The following PDCD11 variants were observed in gnomAD, a reference collection of about 807,000 sequenced individuals.
PDCD11 encodes protein RRP5 homolog.
In PDCD11, 97 loss-of-function variants were observed where a neutral mutation model predicts 198.9. The ratio of observed to expected loss-of-function variants is 0.49; its 90% CI spans 0.41 to 0.58. PDCD11 has a LOEUF of 0.58. PDCD11 is among the 20% of genes least tolerant of loss of function. PDCD11 has a pLI of 0.00. For synonymous variants in PDCD11, 893 were observed against 918.0 expected, an observed-to-expected ratio of 0.97 and a Z score of 0.49; for missense variants, 2,102 against 2,312.7, an observed-to-expected ratio of 0.91 and a Z score of 1.87.
intron 21 of PDCD11, 98 bp from the exon 22 acceptor site, chr10:103,432,031 C>T (rs2031956228): frequency 1.2e-6 from 1 of 854,408 alleles, no homozygotes; most frequent in Non-Finnish European, 2.0e-6. Flanking sequence ...TAGGGGAGTC[C>T]CGTACAGTCA....
intron 17 of PDCD11, among the ~76,000 whole-genome samples, chr10:103,422,714 A>C (rs1221518739): frequency 1.3e-5 from 2 of 152,130 alleles, no homozygotes; most frequent in African/African-American, 2.4e-5. Context: ...GGGGACAGTG[A>C]AAATTCAGAA....
In PDCD11 at chr10:103,442,426, G is replaced by A. The variant is rs140495953; in HGVS notation, c.4921G>A (p.Val1641Met). The A allele has an allele frequency of 1.1e-5, 18 of 1,613,972 alleles. No individual in the cohort carries two copies. Among genetic ancestry groups the A allele is most frequent in the East Asian group, 6.7e-5 (3 of 44,896 alleles). The change falls in exon 32 of 36, where the codon GTG becomes ATG. Residue 1641 changes from valine (V) to methionine (M), a missense_variant. Val to Met is a conservative substitution (Grantham distance 21). Transcript: ENST00000369797. ...CACGGAGATCGAGAAGGCCCGTGCC[G>A]TGGCTGAGAGGGCCCTTAAGACCAT... is the stretch of plus-strand genomic sequence containing the variant. ...QATEIEKARA[V>M]AERALKTISF...
At chr10:103,435,273 A>G (rs2032104424) in intron 25 of PDCD11, among the ~76,000 whole-genome samples, 1 of 152,034 alleles carries the variant, frequency 6.6e-6, no homozygotes, top group African/African-American at 2.4e-5. Context: ...CTATGCTAAT[A>G]TATCAAAATC....
chr10:103,410,633 G>A (rs1371528832), intron 8 of PDCD11, among the ~76,000 whole-genome samples: 1 of 139,728 alleles, frequency 7.2e-6, no homozygotes, highest in African/African-American at 2.7e-5. Context: ...TTTTAAGACA[G>A]TGTCTTACTC....
intron 12 of PDCD11, among the ~76,000 whole-genome samples, chr10:103,415,407 G>C (rs987426523): frequency 6.6e-6 from 1 of 152,310 alleles, no homozygotes; most frequent in Non-Finnish European, 1.5e-5. Context: ...TGTGTGCTGT[G>C]GTCACACCTG....
rs2030220942 is a variant in PDCD11, at chr10:103,403,185, GTCTC to G, written c.303_306del (p.Leu102ProfsTer21). The G allele has an allele frequency of 6.2e-7, 1 of 1,613,998 alleles. No homozygotes were observed. Among genetic ancestry groups the G allele is most frequent in the South Asian group, 1.1e-5 (1 of 91,086 alleles). ...GTGAATGAACTGGAACTGGTGATTA[GTCTC>G]CCCAATGGCCTCCAGGGCTTTGTGC... On this transcript the variant is annotated frameshift_variant, in exon 4 of 36. Coordinates refer to ENST00000369797, the MANE Select transcript of PDCD11 (RefSeq NM_014976.2). LOFTEE classifies it high-confidence loss of function.
intron 17 of PDCD11, among the ~76,000 whole-genome samples, chr10:103,422,128 A>T (rs1182382233): frequency 6.7e-6 from 1 of 148,188 alleles, no homozygotes; most frequent in Admixed American, 6.8e-5. Flanking sequence ...GTCGCCTGGG[A>T]TGGAGTGTGG....
intron 21 of PDCD11, among the ~76,000 whole-genome samples, chr10:103,431,047 G>A (rs972159804): frequency 2.6e-5 from 4 of 151,890 alleles, no homozygotes; most frequent in South Asian, 2.1e-4. Context: ...TGATCCACCC[G>A]CCTTGGCCTC....
intron 20 of PDCD11, among the ~76,000 whole-genome samples, 173 bp from the exon 21 acceptor site, chr10:103,427,156 A>G (rs1367229984): frequency 6.6e-6 from 1 of 152,004 alleles, no homozygotes; most frequent in Non-Finnish European, 1.5e-5. Flanking sequence ...AATAACTGCA[A>G]AGGTTGGGAA....
At chr10:103,399,307 C>A (rs1262992828) in intron 2 of PDCD11, among the ~76,000 whole-genome samples, 1 of 152,034 alleles carries the variant, frequency 6.6e-6, no homozygotes, top group Non-Finnish European at 1.5e-5. Flanking sequence ...ACCTTGACCT[C>A]CCAAAGTGCT....
chr10:103,444,573 C>A lies in PDCD11; in HGVS notation c.5335C>A (p.Arg1779=). 2.5e-6 allele frequency: 4 copies of A among 1,614,160 alleles called. No homozygotes were observed. Among genetic ancestry groups the A allele is most frequent in the Non-Finnish European group, 3.4e-6 (4 of 1,179,994 alleles). ...TGAGTTTCAGCTGGGGGATGCAGAG[C>A]GGGCCAAAGCCATTTTTGAGAACAC... ...QLEFQLGDAE[R]AKAIFENTLS... Residue 1779 remains arginine, a synonymous_variant, in exon 35 of 36, where the codon CGG becomes AGG. Coordinates refer to ENST00000369797, the MANE Select transcript of PDCD11 (RefSeq NM_014976.2).
At chr10:103,437,648 C>T (rs760811995) in intron 25 of PDCD11, among the ~76,000 whole-genome samples, 2 of 152,054 alleles carry the variant, frequency 1.3e-5, no homozygotes, top group Non-Finnish European at 2.9e-5. Context: ...CCACCACGCC[C>T]GGCTATTTTT....
chr10:103,441,880 G>A lies in PDCD11; in HGVS notation c.4612G>A (p.Ala1538Thr), dbSNP rs988670015. The stretch of plus-strand genomic sequence containing the variant: ...CCGGCTGCAGCTGTCTTCAGGCTTC[G>A]CTTGGAATGTGGGACTAGACTCTCT... ...APRLQLSSGF[A>T]WNVGLDSLTP... The change falls in exon 31 of 36, where the codon GCT (alanine) becomes ACT (threonine). Residue 1538 changes from alanine (A) to threonine (T), a missense_variant. By Grantham distance (58) the Ala-to-Thr change is moderately conservative. Transcript: ENST00000369797. The A allele has an allele frequency of 8.1e-6, 13 of 1,614,050 alleles. No homozygotes were observed. Among genetic ancestry groups the A allele is most frequent in the African/African-American group, 1.3e-5 (1 of 74,916 alleles).
chr10:103,443,405 G>C (rs565490857), intron 33 of PDCD11, 72 bp downstream of exon 33: 2 of 1,391,098 alleles, frequency 1.4e-6, no homozygotes, highest in African/African-American at 2.9e-5. Context: ...CCCCTGGGGT[G>C]CTGGGTCCAG....
chr10:103,415,268 G>A, intron 12 of PDCD11, 117 bp downstream of exon 12: 1 of 985,630 alleles, frequency 1.0e-6, no homozygotes, highest in Non-Finnish European at 1.5e-6. Context: ...TGTGTCTTGT[G>A]CTGTACCTGG....
chr10:103,437,894 C>T (rs1336390042), intron 25 of PDCD11, 121 bp from the exon 26 acceptor site: 1 of 748,996 alleles, frequency 1.3e-6, no homozygotes, highest in Non-Finnish European at 2.3e-6. Flanking sequence ...AGAAACATGA[C>T]CAGAGTCTCC....
At chr10:103,405,243 A>G in intron 5 of PDCD11, 60 bp downstream of exon 5, 2 of 1,556,144 alleles carry the variant, frequency 1.3e-6, no homozygotes, top group East Asian at 4.5e-5. Flanking sequence ...CCTCTGAGGG[A>G]GCGTGGTCTA....
intron 16 of PDCD11, among the ~76,000 whole-genome samples, 198 bp from the exon 17 acceptor site, chr10:103,421,150 A>G (rs993460012): frequency 2.5e-4 from 38 of 152,160 alleles, no homozygotes; most frequent in Admixed American, 3.9e-4. Context: ...CTGGGATTAC[A>G]GGCGTGAGCC....
chr10:103,405,657 A>G (rs144027269), intron 5 of PDCD11, among the ~76,000 whole-genome samples: 1,997 of 152,236 alleles, frequency 0.013, 22 homozygotes, highest in Admixed American at 0.036. Context: ...CAGCCTTCCA[A>G]AATGCTGGGA....
Sources: gnomAD v4.1 joint callset for allele counts (sites outside exome capture counted in the v4.1 genomes callset) on GRCh38, gnomAD v4.1.1 for gene constraint, MANE v1.5 for transcripts, NCBI Gene and HGNC (gene_info 2026-07-23, HGNC 2026-07-21) for gene names.